MARCHF3: variants seen among roughly 807,000 people sequenced by gnomAD.
The protein encoded by MARCHF3 is E3 ubiquitin-protein ligase MARCHF3.
Under a neutral mutation model 24.2 loss-of-function variants are expected in MARCHF3, and 13 were observed. The observed-to-expected ratio is 0.54, with a 90% CI of 0.35 to 0.85. MARCHF3 has a LOEUF of 0.85. Among genes scored for constraint, MARCHF3 ranks in the 40% least tolerant of loss-of-function variants. MARCHF3 has a pLI of 0.01. For synonymous variants in MARCHF3, 144 were observed against 137.3 expected (o/e 1.05, Z -0.34); for missense variants, 276 against 325.0 (o/e 0.85, Z 1.16).
At position 127,000,562 on chromosome 5, in the gene MARCHF3, A is replaced by C. The variant is rs1450106730; in HGVS notation, c.-57+29788T>G. On this transcript the variant is annotated intron_variant, in intron 1 of 4. Transcript: ENST00000308660. ...CAATCTTCACTCCACAGACTCACTA[A>C]AGCTAGCAAAGAACACCTGATAACC... 3.3e-5 allele frequency among the ~76,000 whole-genome samples: 5 copies of C among 152,342 alleles called. No homozygotes were observed. In the East Asian group the frequency reaches 7.7e-4, roughly 23 times the overall value.
At chr5:126,901,200 C>T (rs1754094517) in intron 3 of MARCHF3, among the ~76,000 whole-genome samples, 1 of 152,160 alleles carries the variant, frequency 6.6e-6, no homozygotes, top group African/African-American at 2.4e-5. Context: ...ACATAACTTT[C>T]TTCTCACATA....
chr5:126,986,833 T>C (rs756013635), intron 1 of MARCHF3, among the ~76,000 whole-genome samples: 4 of 152,162 alleles, frequency 2.6e-5, no homozygotes, highest in African/African-American at 7.2e-5. Context: ...AAGAGAATAA[T>C]ACTAAAAGGA....
At chr5:126,937,306 G>A (rs550453121) in intron 1 of MARCHF3, among the ~76,000 whole-genome samples, 13 of 152,266 alleles carry the variant, frequency 8.5e-5, no homozygotes, top group African/African-American at 2.9e-4. Flanking sequence ...CATCTACAAT[G>A]TGTCTAAATT....
rs912580335 is a variant in MARCHF3 at position 126,869,342 on chromosome 5, A to T, written c.*1291T>A. On this transcript the variant is annotated 3_prime_UTR_variant, in exon 5 of 5. Coordinates refer to ENST00000308660, the MANE Select transcript of MARCHF3 (RefSeq NM_178450.5). ...CGGACAGCCGGGAGCCTGAGAGTCAACCCCAGCCAGCGCTCTCCTCAGAAG... is the reference window on the plus strand; with the variant it reads ...CGGACAGCCGGGAGCCTGAGAGTCATCCCCAGCCAGCGCTCTCCTCAGAAG... 6.6e-6 allele frequency: 1 copy of T among 151,636 alleles called. No homozygotes were observed. The highest frequency in any genetic ancestry group is 2.4e-5 in the African/African-American group (1 of 41,228). The allele number at this position is 151,636 out of a possible 1,614,324, so 9.4% of individuals were successfully genotyped here. A position where few individuals can be genotyped will look rare whatever the true frequency, so the allele number is the denominator to read the frequency against.
chr5:126,904,087 G>C (rs1372969848), intron 3 of MARCHF3, among the ~76,000 whole-genome samples: 1 of 150,542 alleles, frequency 6.6e-6, no homozygotes, highest in Non-Finnish European at 1.5e-5. Context: ...TCTTGCGATA[G>C]TTTACTGAGA....
At chr5:126,966,905 CTTTTTTTTTTTTTTTTTTTTTTTTT>C (rs779454094) in intron 1 of MARCHF3, among the ~76,000 whole-genome samples, 23 of 4,498 alleles carry the variant, frequency 5.1e-3, no homozygotes, top group Admixed American at 0.047. Context: ...CTGTGAGAGC[CTTTTTTTTTTTTTTTTTTTTTTTTT>C]TTTTTTTTTT....
intron 1 of MARCHF3, among the ~76,000 whole-genome samples, chr5:126,934,924 C>G (rs932063914): frequency 2.6e-5 from 4 of 151,946 alleles, no homozygotes; most frequent in African/African-American, 9.7e-5. Flanking sequence ...TGTTTCTGCC[C>G]CCACCGATTT....
At chr5:126,956,975 C>T (rs1012857898) in intron 1 of MARCHF3, among the ~76,000 whole-genome samples, 1 of 152,194 alleles carries the variant, frequency 6.6e-6, no homozygotes, top group Non-Finnish European at 1.5e-5. Flanking sequence ...TGGCCTGGAC[C>T]TGCTGGCTTC....
At chr5:126,962,704 C>T (rs545827055) in intron 1 of MARCHF3, among the ~76,000 whole-genome samples, 2 of 151,976 alleles carry the variant, frequency 1.3e-5, no homozygotes, top group South Asian at 4.1e-4. Context: ...AGACTTAGGT[C>T]TCATCCCCAA....
intron 1 of MARCHF3, among the ~76,000 whole-genome samples, chr5:126,922,124 G>A (rs1201626131): frequency 6.6e-6 from 1 of 152,200 alleles, no homozygotes. Flanking sequence ...GCCACAGGTC[G>A]TGGGGGAAGG....
Position 126,870,707 on chromosome 5 carries a change from T to C in MARCHF3, c.688A>G (p.Asn230Asp), listed in dbSNP as rs1439585802. The C allele has an allele frequency of 1.2e-6, 2 of 1,614,062 alleles. No homozygotes were observed. Among genetic ancestry groups the C allele is most frequent in the Admixed American group, 1.7e-5 (1 of 60,008 alleles). Residue 230 changes from asparagine to aspartate, a missense_variant, in exon 5 of 5, where the codon AAT (asparagine) becomes GAT (aspartate). By Grantham distance (23) the Asn-to-Asp change is conservative. Coordinates refer to ENST00000308660, the MANE Select transcript of MARCHF3 (RefSeq NM_178450.5). ...AAGGACGGCTGGTTAGAAGGTACATTGACAGACTTTGGAATGAGGAGAATC... is the reference window on the plus strand; with the variant it reads ...AAGGACGGCTGGTTAGAAGGTACATCGACAGACTTTGGAATGAGGAGAATC... Reference protein sequence around the residue: ...RVILLIPKSVNVPSNQPSLLG... With the variant: ...RVILLIPKSVDVPSNQPSLLG...
intron 1 of MARCHF3, among the ~76,000 whole-genome samples, chr5:127,021,205 A>G (rs977718420): frequency 6.6e-6 from 1 of 152,040 alleles, no homozygotes; most frequent in African/African-American, 2.4e-5. Flanking sequence ...CCCACCCCCC[A>G]CCAACACACA....
chr5:127,004,213 T>C (rs748211455), intron 1 of MARCHF3, among the ~76,000 whole-genome samples: 1 of 152,178 alleles, frequency 6.6e-6, no homozygotes. Flanking sequence ...ATTATCTATA[T>C]ATAGCAATGA....
At chr5:126,958,815 A>G (rs1750538767) in intron 1 of MARCHF3, among the ~76,000 whole-genome samples, 1 of 152,210 alleles carries the variant, frequency 6.6e-6, no homozygotes, top group Non-Finnish European at 1.5e-5. Flanking sequence ...CTAACTCCAC[A>G]ATGATGGGGC....
intron 1 of MARCHF3, among the ~76,000 whole-genome samples, chr5:126,946,804 G>GTC (rs1255614110): frequency 1.1e-4 from 17 of 150,438 alleles, no homozygotes; most frequent in African/African-American, 3.9e-4. Flanking sequence ...GTGTCTGTGT[G>GTC]TGTGTGGTGG....
intron 1 of MARCHF3, among the ~76,000 whole-genome samples, chr5:127,012,246 C>A (rs1752496558): frequency 6.6e-6 from 1 of 152,150 alleles, no homozygotes; most frequent in East Asian, 1.9e-4. Context: ...TTCAGGATAT[C>A]CACACTAATC....
At chr5:127,019,471 T>A (rs1367104709) in intron 1 of MARCHF3, among the ~76,000 whole-genome samples, 1 of 152,218 alleles carries the variant, frequency 6.6e-6, no homozygotes, top group African/African-American at 2.4e-5. Flanking sequence ...GCAAAGCAGT[T>A]CTGATCAGTG....
intron 2 of MARCHF3, among the ~76,000 whole-genome samples, chr5:126,917,046 C>T (rs560936464): frequency 6.6e-6 from 1 of 152,056 alleles, no homozygotes; most frequent in Non-Finnish European, 1.5e-5. Context: ...GCCACCATGC[C>T]CAGGGTGGGA....
chr5:127,001,484 T>C (rs946380606), intron 1 of MARCHF3, among the ~76,000 whole-genome samples: 16 of 152,312 alleles, frequency 1.1e-4, no homozygotes, highest in East Asian at 3.9e-4. Context: ...TGACTCAAAC[T>C]ACAAAACCTG....
Sources: allele counts gnomAD v4.1 joint callset (sites outside exome capture counted in the v4.1 genomes callset), GRCh38; gene constraint gnomAD v4.1.1; transcripts MANE v1.5; gene names NCBI Gene and HGNC (gene_info 2026-07-23, HGNC 2026-07-21).